Variants in MCTP2 observed in about 807,000 individuals in gnomAD.
MCTP2 encodes multiple C2 and transmembrane domain-containing protein 2.
Under a neutral mutation model 111.6 loss-of-function variants are expected in MCTP2, and 132 were observed. The ratio of observed to expected loss-of-function variants is 1.18; its 90% CI spans 1.03 to 1.37. The LOEUF (loss-of-function observed/expected upper bound fraction) is 1.37. Ranked by LOEUF, MCTP2 falls within the 40% of genes most tolerant of loss-of-function variation. The pLI, the probability that MCTP2 is intolerant of heterozygous loss-of-function variation, is 0.00. For synonymous variants in MCTP2, 395 were observed against 387.7 expected, an observed-to-expected ratio of 1.02 and a Z score of -0.22; for missense variants, 1,183 against 1,067.9, an observed-to-expected ratio of 1.11 and a Z score of -1.50.
At chr15:94,234,649 G>C (rs1302898782) in intron 1 of MCTP2, among the ~76,000 whole-genome samples, 1 of 152,212 alleles carries the variant, frequency 6.6e-6, no homozygotes, top group Non-Finnish European at 1.5e-5. Flanking sequence ...GAACAATTCT[G>C]AGAGCTGGTC....
chr15:94,420,680 A>C (rs558446283), intron 17 of MCTP2, among the ~76,000 whole-genome samples: 19 of 152,200 alleles, frequency 1.2e-4, no homozygotes, highest in Non-Finnish European at 2.5e-4. Context: ...TCTCATGATG[A>C]AACTTGAACA....
At chr15:94,265,816 C>A (rs2073487374) in intron 1 of MCTP2, among the ~76,000 whole-genome samples, 1 of 152,138 alleles carries the variant, frequency 6.6e-6, no homozygotes, top group Non-Finnish European at 1.5e-5. Flanking sequence ...GGCTTTTGAT[C>A]TCACCCAATT....
chr15:94,393,147 T>G (rs1186354750), intron 14 of MCTP2, among the ~76,000 whole-genome samples: 1 of 152,114 alleles, frequency 6.6e-6, no homozygotes, highest in Non-Finnish European at 1.5e-5. Context: ...CATTTTGGAG[T>G]GACTAAAATG....
At chr15:94,435,941 T>G (rs911163034) in intron 17 of MCTP2, among the ~76,000 whole-genome samples, 1 of 152,110 alleles carries the variant, frequency 6.6e-6, no homozygotes, top group African/African-American at 2.4e-5. Flanking sequence ...TATGCTATAT[T>G]CTTCTAAACA....
chr15:94,262,382 G>A (rs1021502188), intron 1 of MCTP2, among the ~76,000 whole-genome samples: 2 of 152,170 alleles, frequency 1.3e-5, no homozygotes, highest in African/African-American at 4.8e-5. Flanking sequence ...TTTGGAAGAT[G>A]ACTAAGACAT....
chr15:94,298,457 G>C lies in MCTP2; in HGVS notation c.192G>C (p.Glu64Asp). 1.2e-6 allele frequency: 2 copies of C among 1,614,154 alleles called. No individual in the cohort carries two copies. The highest frequency in any genetic ancestry group is 2.2e-5 in the East Asian group (1 of 44,882). ...DLLEAEALAP[E>D]GRPYSGPQSS... ...TGGAGGCTGAGGCCTTGGCCCCAGAGGGCCGGCCTTACTCCGGGCCACAGT... is the reference window on the plus strand; with the variant it reads ...TGGAGGCTGAGGCCTTGGCCCCAGACGGCCGGCCTTACTCCGGGCCACAGT... Residue 64 changes from glutamate to aspartate, a missense_variant, in exon 2 of 23, where the codon GAG (glutamate) becomes GAC (aspartate). Glu to Asp is a conservative substitution (Grantham distance 45). Coordinates refer to ENST00000357742, the MANE Select transcript of MCTP2 (RefSeq NM_001385001.1).
At chr15:94,235,109 C>T (rs757865407) in intron 1 of MCTP2, among the ~76,000 whole-genome samples, 8 of 151,972 alleles carry the variant, frequency 5.3e-5, no homozygotes, top group Non-Finnish European at 7.4e-5. Context: ...AAAATTAGTC[C>T]GGTGTGGTGG....
intron 19 of MCTP2, among the ~76,000 whole-genome samples, chr15:94,450,592 CT>C (rs1326183661): frequency 3.3e-5 from 5 of 152,132 alleles, no homozygotes; most frequent in African/African-American, 1.2e-4. Context: ...AAATTATAGG[CT>C]TTTAATATTC....
intron 14 of MCTP2, among the ~76,000 whole-genome samples, chr15:94,390,137 G>A: frequency 1.8e-5 from 1 of 56,092 alleles, no homozygotes; most frequent in Non-Finnish European, 4.8e-5. Context: ...TATATACTTA[G>A]ATGTTTATCA....
At chr15:94,433,346 C>T (rs1240133265) in intron 17 of MCTP2, among the ~76,000 whole-genome samples, 1 of 152,046 alleles carries the variant, frequency 6.6e-6, no homozygotes, top group East Asian at 1.9e-4. Flanking sequence ...TGAAATTACA[C>T]CTACTGGTCG....
intron 8 of MCTP2, among the ~76,000 whole-genome samples, chr15:94,353,047 G>T (rs180902167): frequency 6.6e-6 from 1 of 152,290 alleles, no homozygotes; most frequent in East Asian, 1.9e-4. Flanking sequence ...TAAAGGTCTT[G>T]TGTTCTTTTC....
chr15:94,245,154 T>G (rs1241498767), intron 1 of MCTP2, among the ~76,000 whole-genome samples: 1 of 148,104 alleles, frequency 6.8e-6, no homozygotes, highest in Non-Finnish European at 1.5e-5. Flanking sequence ...ACACACATGT[T>G]TGTATATTTA....
At chr15:94,346,869 A>G (rs1020811927) in intron 8 of MCTP2, among the ~76,000 whole-genome samples, 1 of 152,024 alleles carries the variant, frequency 6.6e-6, no homozygotes, top group African/African-American at 2.4e-5. Context: ...ATTTATATGT[A>G]TACTTCAGAG....
chr15:94,384,552 C>T (rs1479079340), intron 13 of MCTP2, among the ~76,000 whole-genome samples: 1 of 152,092 alleles, frequency 6.6e-6, no homozygotes, highest in Non-Finnish European at 1.5e-5. Flanking sequence ...TTTATCTGAG[C>T]GACCCATCCC....
At chr15:94,424,331 A>G (rs182055824) in intron 17 of MCTP2, among the ~76,000 whole-genome samples, 1 of 150,896 alleles carries the variant, frequency 6.6e-6, no homozygotes, top group East Asian at 1.9e-4. Flanking sequence ...TTTTTTTTCC[A>G]TTATCAAAAG....
intron 8 of MCTP2, among the ~76,000 whole-genome samples, chr15:94,353,701 C>T (rs1206299873): frequency 1.3e-5 from 2 of 152,040 alleles, no homozygotes; most frequent in African/African-American, 4.8e-5. Context: ...ACAGGTCATG[C>T]TTTAGCTTGT....
At chr15:94,402,780 A>G in intron 17 of MCTP2, 1 of 1,415,070 alleles carries the variant, frequency 7.1e-7, no homozygotes, top group Non-Finnish European at 9.2e-7. Flanking sequence ...AAATCTTTGT[A>G]TATTTGGTAT....
intron 14 of MCTP2, among the ~76,000 whole-genome samples, chr15:94,389,306 G>A (rs1233645188): frequency 6.6e-6 from 1 of 152,018 alleles, no homozygotes; most frequent in Admixed American, 6.6e-5. Flanking sequence ...CCTGGCTTCT[G>A]GGAGCTCAGG....
intron 19 of MCTP2, among the ~76,000 whole-genome samples, chr15:94,445,470 T>C (rs940449178): frequency 4.6e-5 from 7 of 152,192 alleles, no homozygotes; most frequent in Admixed American, 4.6e-4. Flanking sequence ...GGTGAATTTT[T>C]CCATCCTTGT....
Sources: allele counts gnomAD v4.1 joint callset (sites outside exome capture counted in the v4.1 genomes callset), GRCh38; gene constraint gnomAD v4.1.1; transcripts MANE v1.5; gene names NCBI Gene and HGNC (gene_info 2026-07-23, HGNC 2026-07-21).